Variants in GALNT14 observed in about 807,000 individuals in gnomAD.
GALNT14 encodes the protein UDP-GalNAc:polypeptide N-acetylgalactosaminyltransferase 14.
GALNT14 carries 60 observed loss-of-function variants against 77.5 expected under a neutral mutation model. That is an observed-to-expected ratio of 0.77 (90% CI 0.63 to 0.96). The LOEUF (loss-of-function observed/expected upper bound fraction) is 0.96, where lower values mean the gene tolerates loss of function less well. GALNT14 is among the 40% of genes least tolerant of loss of function. The pLI is 0.00. For synonymous variants in GALNT14, 280 were observed against 281.7 expected, an observed-to-expected ratio of 0.99 and a Z score of 0.06; for missense variants, 710 against 731.0, an observed-to-expected ratio of 0.97 and a Z score of 0.33.
intron 2 of GALNT14, among the ~76,000 whole-genome samples, chr2:30,975,586 T>G (rs151182190): frequency 6.6e-4 from 100 of 152,350 alleles, no homozygotes; most frequent in African/African-American, 2.3e-3. Context: ...TTAATTTCAC[T>G]TCTTTTACCT....
At chr2:31,062,871 T>A (rs760157462) in intron 1 of GALNT14, among the ~76,000 whole-genome samples, 1 of 152,226 alleles carries the variant, frequency 6.6e-6, no homozygotes, top group African/African-American at 2.4e-5. Context: ...TGCTGAGAAG[T>A]GTCTGTTCAT....
chr2:30,991,679 G>A (rs1339022200), intron 2 of GALNT14, among the ~76,000 whole-genome samples: 1 of 152,156 alleles, frequency 6.6e-6, no homozygotes, highest in Non-Finnish European at 1.5e-5. Flanking sequence ...TATTCATAGG[G>A]AAACCAATAC....
At chr2:31,132,214 G>A (rs1679028304) in intron 1 of GALNT14, among the ~76,000 whole-genome samples, 1 of 152,104 alleles carries the variant, frequency 6.6e-6, no homozygotes, top group African/African-American at 2.4e-5. Flanking sequence ...CCGGGCCTTG[G>A]GACAACCCAG....
At chr2:31,019,853 A>T (rs1015566672) in intron 1 of GALNT14, among the ~76,000 whole-genome samples, 3 of 152,220 alleles carry the variant, frequency 2.0e-5, no homozygotes, top group African/African-American at 7.2e-5. Flanking sequence ...AAGTGAAAGG[A>T]TACTGTAAAA....
chr2:31,050,864 C>A (rs1573246102), intron 1 of GALNT14, among the ~76,000 whole-genome samples: 1 of 151,050 alleles, frequency 6.6e-6, no homozygotes, highest in African/African-American at 2.4e-5. Flanking sequence ...AGCAAAATAC[C>A]CACAGGGGAC....
chr2:30,989,717 GTATA>G (rs72068647), intron 2 of GALNT14, among the ~76,000 whole-genome samples: 2 of 139,058 alleles, frequency 1.4e-5, no homozygotes, highest in East Asian at 2.1e-4. Context: ...ATATATATTA[GTATA>G]TATATATATT....
intron 1 of GALNT14, among the ~76,000 whole-genome samples, chr2:31,044,032 T>C (rs1245708791): frequency 6.6e-6 from 1 of 152,344 alleles, no homozygotes; most frequent in East Asian, 1.9e-4. Flanking sequence ...CTTCATGTAC[T>C]GTACTCTGTC....
At chr2:30,945,901 T>C (rs201782457) in intron 6 of GALNT14, 31 bp from the exon 7 acceptor site, 3 of 1,596,152 alleles carry the variant, frequency 1.9e-6, no homozygotes, top group Middle Eastern at 1.7e-4. Flanking sequence ...ACTTAGCTTA[T>C]GGAGAGGAGC....
At position 31,071,494 on chromosome 2, in the gene GALNT14, T is replaced by A. The variant is rs895284514; in HGVS notation, c.129+66464A>T. ...GGTGTCAAGTAACATGAGCTCCAAC[T>A]GTCCCAGCCCCTTTCCCTGCCCACC... On this transcript the variant is annotated intron_variant, in intron 1 of 14. Coordinates refer to ENST00000349752, the MANE Select transcript of GALNT14 (RefSeq NM_024572.4). Among the ~76,000 whole-genome samples the A allele has an allele frequency of 6.6e-5, 10 of 152,274 alleles. No individual in the cohort carries two copies. In the Middle Eastern group the frequency reaches 0.017, roughly 259 times the overall value.
chr2:30,966,112 C>A, intron 3 of GALNT14, 92 bp downstream of exon 3: 1 of 880,194 alleles, frequency 1.1e-6, no homozygotes, highest in Non-Finnish European at 1.9e-6. Context: ...GTGTCTGGTG[C>A]TCCTAGTACA....
At chr2:30,907,943 G>A (rs1310934129), downstream of GALNT14, among the ~76,000 whole-genome samples, 5 of 107,578 alleles carry the variant, frequency 4.6e-5, no homozygotes, top group African/African-American at 1.8e-4. Flanking sequence ...CATATAAACA[G>A]AGCCAAAGAC....
At chr2:30,929,631 G>A (rs943394126) in intron 10 of GALNT14, 144 bp from the exon 11 acceptor site, 23 of 639,506 alleles carry the variant, frequency 3.6e-5, no homozygotes, top group Admixed American at 3.1e-4. Flanking sequence ...TATCATTCCT[G>A]TTCCCAGGGC....
chr2:30,984,888 AC>A (rs1416531889), intron 2 of GALNT14, among the ~76,000 whole-genome samples: 3 of 152,168 alleles, frequency 2.0e-5, no homozygotes, highest in Non-Finnish European at 4.4e-5. Context: ...AAATAACTAC[AC>A]CCAAACCAGG....
chr2:30,954,033 G>A (rs1056585962), intron 6 of GALNT14, among the ~76,000 whole-genome samples: 3 of 152,190 alleles, frequency 2.0e-5, no homozygotes, highest in South Asian at 2.1e-4. Context: ...TGGGCCAAGG[G>A]AGCAATGACT....
chr2:31,088,990 A>G (rs1245334544), intron 1 of GALNT14, among the ~76,000 whole-genome samples: 1 of 152,242 alleles, frequency 6.6e-6, no homozygotes, highest in Non-Finnish European at 1.5e-5. Flanking sequence ...TGAGCAGCTT[A>G]GATGGGATGA....
intron 1 of GALNT14, among the ~76,000 whole-genome samples, chr2:31,110,540 G>A (rs113744142): frequency 0.01 from 1,544 of 152,298 alleles, 10 homozygotes; most frequent in South Asian, 0.031. Context: ...CAGCCACTTA[G>A]AGCACTAGGG....
chr2:31,076,253 T>G, intron 1 of GALNT14, among the ~76,000 whole-genome samples: 1 of 152,222 alleles, frequency 6.6e-6, no homozygotes, highest in East Asian at 1.9e-4. Context: ...CTAACAAGTC[T>G]TCAAGGTCTA....
chr2:31,096,941 C>T (rs1411237051), intron 1 of GALNT14, among the ~76,000 whole-genome samples: 4 of 152,122 alleles, frequency 2.6e-5, no homozygotes, highest in East Asian at 1.9e-4. Context: ...ATCCTCTAAT[C>T]GCGTCCCATT....
chr2:30,961,312 G>A (rs759570417), intron 3 of GALNT14, among the ~76,000 whole-genome samples: 2 of 152,180 alleles, frequency 1.3e-5, no homozygotes, highest in African/African-American at 2.4e-5. Context: ...TTTATCAAAC[G>A]CTCCATAAAT....
Sources: allele counts gnomAD v4.1 joint callset (sites outside exome capture counted in the v4.1 genomes callset), GRCh38; gene constraint gnomAD v4.1.1; transcripts MANE v1.5; gene names NCBI Gene and HGNC (gene_info 2026-07-23, HGNC 2026-07-21).